CDH18: variants seen among roughly 807,000 people sequenced by gnomAD.
CDH18 encodes the protein cadherin 18.
Under a neutral mutation model 67.9 loss-of-function variants are expected in CDH18, and 31 were observed. The ratio of observed to expected loss-of-function variants is 0.46; its 90% confidence interval spans 0.34 to 0.62. The LOEUF (loss-of-function observed/expected upper bound fraction) is 0.62, where lower values mean the gene tolerates loss of function less well. Among genes scored for constraint, CDH18 ranks in the 20% least tolerant of loss-of-function variants. The pLI is 0.01. For synonymous variants in CDH18, 362 were observed against 347.2 expected (o/e 1.04, Z -0.48); for missense variants, 890 against 975.5 (o/e 0.91, Z 1.17).
chr5:20,315,198 G>T (rs1235334124), intron 1 of CDH18, among the ~76,000 whole-genome samples: 2 of 152,012 alleles, frequency 1.3e-5, no homozygotes, highest in Non-Finnish European at 2.9e-5. Context: ...AAGAATCTAG[G>T]AGTAGCTCAT....
chr5:19,889,434 T>G (rs920870889), intron 2 of CDH18, among the ~76,000 whole-genome samples: 1 of 152,122 alleles, frequency 6.6e-6, no homozygotes, highest in Non-Finnish European at 1.5e-5. Context: ...TAGCTATTTT[T>G]TATAGCTCTT....
intron 1 of CDH18, among the ~76,000 whole-genome samples, chr5:20,415,275 T>G (rs576813826): frequency 6.6e-6 from 1 of 151,942 alleles, no homozygotes; most frequent in East Asian, 1.9e-4. Flanking sequence ...GAAGCCCAGC[T>G]ACTCGGGAGG....
chr5:19,663,876 C>CT (rs139621768), intron 5 of CDH18, among the ~76,000 whole-genome samples: 31,128 of 148,466 alleles, frequency 0.21, 3,720 homozygotes, highest in Non-Finnish European at 0.27. Context: ...ACTTAAAAGA[C>CT]TTTTTTTTTT....
intron 2 of CDH18, among the ~76,000 whole-genome samples, chr5:19,849,717 T>TATATATATACACGCATATATATAAAC (rs1554049205): frequency 1.8e-3 from 30 of 17,134 alleles, no homozygotes; most frequent in African/African-American, 2.9e-3. Flanking sequence ...TATATAAACA[T>TATATATATACACGCATATATATAAAC]ATATATATAC....
chr5:19,501,810 T>C (rs1432101590), intron 11 of CDH18, among the ~76,000 whole-genome samples: 2 of 152,184 alleles, frequency 1.3e-5, no homozygotes, highest in African/African-American at 2.4e-5. Context: ...CTTTGAAATA[T>C]GGAAAAATAT....
intron 1 of CDH18, among the ~76,000 whole-genome samples, chr5:20,260,466 G>A (rs964647197): frequency 5.3e-5 from 8 of 152,002 alleles, no homozygotes; most frequent in Admixed American, 2.0e-4. Flanking sequence ...CTGACTTGAT[G>A]ATATTTTGAT....
rs146836306 is a variant in CDH18 at position 19,475,843 on chromosome 5, T to C, written c.1883-2127A>G. Among the ~76,000 whole-genome samples, 58 of 152,160 alleles carry C rather than the reference T, an allele frequency of 3.8e-4. No individual in the cohort carries two copies. In the East Asian group the frequency reaches 0.01, roughly 27 times the overall value. ...TGAATCAAACACCAGGTTATCTAAC[T>C]CTGATAAAGAACATACTTTCCCCCC... is the stretch of plus-strand genomic sequence containing the variant. On this transcript the variant is annotated intron_variant, in intron 12 of 12. Transcript: ENST00000382275.
At chr5:19,609,616 C>A (rs1223159678) in intron 6 of CDH18, among the ~76,000 whole-genome samples, 1 of 151,938 alleles carries the variant, frequency 6.6e-6, no homozygotes, top group Non-Finnish European at 1.5e-5. Flanking sequence ...ATATAACTAG[C>A]CTACTCACTT....
At chr5:19,921,082 A>C (rs1199007357) in intron 2 of CDH18, among the ~76,000 whole-genome samples, 2 of 152,196 alleles carry the variant, frequency 1.3e-5, no homozygotes, top group Non-Finnish European at 2.9e-5. Context: ...AATTCTGGAA[A>C]GACCAAAAAG....
intron 5 of CDH18, among the ~76,000 whole-genome samples, chr5:19,663,180 G>A (rs1287816691): frequency 3.3e-5 from 5 of 151,820 alleles, no homozygotes; most frequent in African/African-American, 1.2e-4. Context: ...ATGGACATTT[G>A]TGGAACCTTC....
intron 2 of CDH18, among the ~76,000 whole-genome samples, chr5:20,044,702 A>G (rs2150479163): frequency 6.6e-6 from 1 of 152,258 alleles, no homozygotes; most frequent in South Asian, 2.1e-4. Flanking sequence ...TCACTGAGCT[A>G]GATTTATGTA....
At chr5:19,803,889 A>T (rs1175461031) in intron 3 of CDH18, 1 of 152,192 alleles carries the variant, frequency 6.6e-6, no homozygotes, top group Non-Finnish European at 1.5e-5. Context: ...TGGGAGGCCG[A>T]GGCGGGCAGA....
At chr5:20,414,677 T>G (rs10036216) in intron 1 of CDH18, among the ~76,000 whole-genome samples, 124,723 of 152,182 alleles carry the variant, frequency 0.82, 55,599 homozygotes, top group Non-Finnish European at 0.98. Flanking sequence ...AATATATGAA[T>G]TTTTTTAAGA....
intron 2 of CDH18, among the ~76,000 whole-genome samples, chr5:19,863,549 C>T (rs1785128614): frequency 6.6e-6 from 1 of 152,170 alleles, no homozygotes; most frequent in Non-Finnish European, 1.5e-5. Flanking sequence ...GCCTCATCCT[C>T]CTCCCCATGA....
At chr5:19,723,804 C>A (rs781611332) in intron 4 of CDH18, among the ~76,000 whole-genome samples, 1 of 152,084 alleles carries the variant, frequency 6.6e-6, no homozygotes, top group Non-Finnish European at 1.5e-5. Flanking sequence ...ACCTCCACCT[C>A]CCGAGTTCAG....
chr5:20,069,197 A>C (rs1483534502), intron 2 of CDH18, among the ~76,000 whole-genome samples: 1 of 151,950 alleles, frequency 6.6e-6, no homozygotes, highest in Non-Finnish European at 1.5e-5. Flanking sequence ...ATTTATATAA[A>C]TATGCCCCCA....
chr5:20,345,113 A>G (rs1309820992), intron 1 of CDH18, among the ~76,000 whole-genome samples: 1 of 152,128 alleles, frequency 6.6e-6, no homozygotes, highest in Non-Finnish European at 1.5e-5. Context: ...ATATTGAAAC[A>G]CTTTTTGATG....
rs1272688655 is a variant in CDH18 at position 20,438,380 on chromosome 5, T to C, written c.-580+137082A>G. Among the ~76,000 whole-genome samples, 4 of 151,150 alleles carry C rather than the reference T, an allele frequency of 2.6e-5. 1 individual carries two copies. The highest frequency in any genetic ancestry group is 7.3e-5 in the African/African-American group (3 of 41,072). On this transcript the variant is annotated intron_variant, in intron 1 of 14. Coordinates refer to the CDH18 transcript ENST00000507958. ...CAGGTATCTATATACCCCACATCTC[T>C]AAATAAACTTATTTGGAGAGATTGC...
chr5:20,344,732 G>C (rs952382565), intron 1 of CDH18, among the ~76,000 whole-genome samples: 1 of 151,944 alleles, frequency 6.6e-6, no homozygotes, highest in African/African-American at 2.4e-5. Flanking sequence ...CCTTATTATG[G>C]GTGAGAAACA....
Sources: gnomAD v4.1 joint callset for allele counts (sites outside exome capture counted in the v4.1 genomes callset) on GRCh38, gnomAD v4.1.1 for gene constraint, MANE v1.5 for transcripts, NCBI Gene and HGNC (gene_info 2026-07-23, HGNC 2026-07-21) for gene names.